The following CELF4 variants were observed in gnomAD, a reference collection of about 807,000 sequenced individuals.
CELF4 encodes the protein CUGBP Elav-like family member 4.
A neutral mutation model predicts 59.9 loss-of-function variants in CELF4; 18 were observed. The observed-to-expected ratio is 0.30, with a 90% confidence interval of 0.21 to 0.45. The LOEUF is 0.45. CELF4 is among the 20% of genes least tolerant of loss of function. The pLI is 1.00. For missense variants in CELF4, 456 were observed against 689.0 expected (o/e 0.66, Z 3.79); for synonymous variants, 261 against 267.1 (o/e 0.98, Z 0.22).
chr18:37,369,045 G>T (rs1434241870), intron 2 of CELF4, among the ~76,000 whole-genome samples: 1 of 152,186 alleles, frequency 6.6e-6, no homozygotes, highest in Non-Finnish European at 1.5e-5. Flanking sequence ...AGAATGGGGA[G>T]GGGAGGAAGG....
At chr18:37,483,597 C>T (rs1473579165) in intron 2 of CELF4, among the ~76,000 whole-genome samples, 5 of 152,170 alleles carry the variant, frequency 3.3e-5, no homozygotes, top group Non-Finnish European at 7.3e-5. Flanking sequence ...CAGAAAAATG[C>T]CACTGGATCT....
At chr18:37,317,350 G>A (rs1286800933) in intron 3 of CELF4, among the ~76,000 whole-genome samples, 4 of 152,152 alleles carry the variant, frequency 2.6e-5, no homozygotes, top group Admixed American at 6.5e-5. Context: ...TCGTGCTATC[G>A]CACTCCAGCC....
intron 2 of CELF4, among the ~76,000 whole-genome samples, chr18:37,400,022 CT>C (rs2099306521): frequency 6.6e-6 from 1 of 152,184 alleles, no homozygotes; most frequent in South Asian, 2.1e-4. Context: ...CTTGGCTAGG[CT>C]GTAGCATGCA....
intron 2 of CELF4, among the ~76,000 whole-genome samples, chr18:37,352,232 T>G (rs982985907): frequency 1.3e-5 from 2 of 152,182 alleles, no homozygotes; most frequent in African/African-American, 4.8e-5. Context: ...GAGGAGAACA[T>G]CAGTGCAAGC....
chr18:37,263,318 G>A (rs911420662), intron 10 of CELF4, among the ~76,000 whole-genome samples: 1 of 152,174 alleles, frequency 6.6e-6, no homozygotes, highest in African/African-American at 2.4e-5. Context: ...GACTTGTCTG[G>A]CACTGGGGCC....
intron 3 of CELF4, among the ~76,000 whole-genome samples, chr18:37,290,231 C>A (rs1339440358): frequency 6.6e-6 from 1 of 152,184 alleles, no homozygotes; most frequent in Non-Finnish European, 1.5e-5. Context: ...TGGCCCAGGG[C>A]AGTGGAGCCC....
intron 10 of CELF4, among the ~76,000 whole-genome samples, chr18:37,260,105 G>A (rs1258710115): frequency 6.6e-6 from 1 of 152,196 alleles, no homozygotes; most frequent in Non-Finnish European, 1.5e-5. Context: ...ATGAGGAAGT[G>A]AGGCCCAGAG....
intron 1 of CELF4, among the ~76,000 whole-genome samples, chr18:37,487,229 C>T (rs2099883126): frequency 6.6e-6 from 1 of 152,202 alleles, no homozygotes; most frequent in Non-Finnish European, 1.5e-5. Context: ...CCCTTTCCTC[C>T]CCTTCCAATG....
At chr18:37,452,571 G>A (rs1044907390) in intron 2 of CELF4, among the ~76,000 whole-genome samples, 8 of 152,070 alleles carry the variant, frequency 5.3e-5, no homozygotes, top group Non-Finnish European at 1.2e-4. Flanking sequence ...GAACTCTCTG[G>A]GAAAGGATTT....
chr18:37,390,657 G>A (rs925439799), intron 2 of CELF4, among the ~76,000 whole-genome samples: 3 of 151,982 alleles, frequency 2.0e-5, no homozygotes, highest in African/African-American at 7.3e-5. Context: ...GGAGTAATCA[G>A]TAAATACTTA....
intron 1 of CELF4, among the ~76,000 whole-genome samples, chr18:37,502,277 C>G (rs780594645): frequency 6.6e-6 from 1 of 152,126 alleles, no homozygotes; most frequent in African/African-American, 2.4e-5. Flanking sequence ...GGTGCTGAAG[C>G]CATTTCCATC....
chr18:37,252,602 T>A (rs1250252990), intron 12 of CELF4, among the ~76,000 whole-genome samples: 3 of 151,164 alleles, frequency 2.0e-5, no homozygotes, highest in Non-Finnish European at 4.4e-5. Context: ...GCAGCCTCCA[T>A]ACTGACTGTT....
intron 2 of CELF4, among the ~76,000 whole-genome samples, chr18:37,415,675 C>G (rs889130750): frequency 6.6e-6 from 1 of 152,140 alleles, no homozygotes; most frequent in Non-Finnish European, 1.5e-5. Flanking sequence ...CTTGGCAGTT[C>G]CCCCTTAATA....
intron 1 of CELF4, among the ~76,000 whole-genome samples, chr18:37,522,545 G>C (rs149112985): frequency 4.0e-4 from 61 of 152,284 alleles, no homozygotes; most frequent in African/African-American, 1.4e-3. Flanking sequence ...ACGTGTGCAT[G>C]TCAGATGGGG....
chr18:37,484,117 G>T (rs1025625935), intron 2 of CELF4, among the ~76,000 whole-genome samples: 1 of 152,094 alleles, frequency 6.6e-6, no homozygotes, highest in Non-Finnish European at 1.5e-5. Flanking sequence ...TCAAGCTGAT[G>T]AAGGGCCTCC....
intron 1 of CELF4, among the ~76,000 whole-genome samples, chr18:37,496,909 C>G (rs1405261669): frequency 6.6e-6 from 1 of 152,148 alleles, no homozygotes; most frequent in East Asian, 1.9e-4. Flanking sequence ...TCCCTCAAAT[C>G]CAGAGGGGCC....
chr18:37,327,489 G>A (rs1275325104), intron 2 of CELF4, among the ~76,000 whole-genome samples: 1 of 152,214 alleles, frequency 6.6e-6, no homozygotes, highest in African/African-American at 2.4e-5. Context: ...TGTGTGGGGT[G>A]TGGAGCCCAA....
chr18:37,509,168 TC>T (rs906966327), intron 1 of CELF4, among the ~76,000 whole-genome samples: 5 of 151,736 alleles, frequency 3.3e-5, no homozygotes, highest in Admixed American at 6.6e-5. Flanking sequence ...TCACTTTATA[TC>T]CCCCCCTCCT....
At chr18:37,317,626 A>G (rs1009991105) in intron 3 of CELF4, among the ~76,000 whole-genome samples, 4 of 152,170 alleles carry the variant, frequency 2.6e-5, no homozygotes, top group Non-Finnish European at 5.9e-5. Flanking sequence ...CCAAGCACTC[A>G]GCCAGCTCCA....
Sources: gnomAD v4.1 joint callset for allele counts (sites outside exome capture counted in the v4.1 genomes callset) on GRCh38, gnomAD v4.1.1 for gene constraint, MANE v1.5 for transcripts, NCBI Gene and HGNC (gene_info 2026-07-23, HGNC 2026-07-21) for gene names.